The following RBPJL variants were observed in gnomAD, a reference collection of about 807,000 sequenced individuals.
RBPJL encodes the protein recombination signal binding protein for immunoglobulin kappa J region like.
RBPJL carries 50 observed loss-of-function variants against 57.6 expected under a neutral mutation model. The observed-to-expected ratio is 0.87, with a 90% CI of 0.69 to 1.10. The LOEUF (loss-of-function observed/expected upper bound fraction) is 1.10. Among genes scored for constraint, RBPJL ranks in the 50% least tolerant of loss-of-function variants. RBPJL has a pLI of 0.00. For synonymous variants in RBPJL, 303 were observed against 294.4 expected (o/e 1.03, Z -0.30); for missense variants, 684 against 693.7 (o/e 0.99, Z 0.16).
At chr20:45,306,976 C>A in intron 1 of RBPJL, 32 bp downstream of exon 1, 9 of 1,243,050 alleles carry the variant, frequency 7.2e-6, no homozygotes, top group South Asian at 4.1e-5. Context: ...GCCCCGGAGA[C>A]GCCCCGTGAG....
chr20:45,308,133 T>C lies in RBPJL; in HGVS notation c.23-10T>C. On this transcript the variant is annotated splice_polypyrimidine_tract_variant and intron_variant, in intron 1 of 11. Transcript: ENST00000343694. ...TCGCCTGACCTGGCTTGATGCCTAC[T>C]CCCCTGCAGACCCCTCAGTGCCTCC... The C allele has an allele frequency of 6.2e-7, 1 of 1,600,346 alleles. No individual in the cohort carries two copies. The highest frequency in any genetic ancestry group is 8.6e-7 in the Non-Finnish European group (1 of 1,168,002).
intron 8 of RBPJL, 46 bp from the exon 9 acceptor site, chr20:45,314,367 G>C: frequency 6.3e-7 from 1 of 1,591,310 alleles, no homozygotes; most frequent in Non-Finnish European, 8.6e-7. Context: ...GCCTCTGGAC[G>C]CCCGGGCTCC....
intron 9 of RBPJL, chr20:45,315,917 G>T: frequency 2.7e-6 from 1 of 367,212 alleles, no homozygotes. Flanking sequence ...GAGAGAGAAA[G>T]GGAAAGAAAA....
chr20:45,313,802 A>G (rs1477527906), intron 7 of RBPJL, among the ~76,000 whole-genome samples, 197 bp downstream of exon 7: 1 of 152,150 alleles, frequency 6.6e-6, no homozygotes, highest in African/African-American at 2.4e-5. Flanking sequence ...CCCTTTCCCC[A>G]TATATCAACT....
intron 1 of RBPJL, 70 bp downstream of exon 1, chr20:45,307,014 C>A: frequency 2.1e-6 from 2 of 968,778 alleles, no homozygotes; most frequent in Non-Finnish European, 2.7e-6. Flanking sequence ...CCCCCACCCC[C>A]TCCCCACTAT....
chr20:45,316,689 C>A lies in RBPJL; in HGVS notation c.1284C>A (p.Ser428Arg). The A allele has an allele frequency of 1.3e-6, 2 of 1,596,834 alleles. No homozygotes were observed. The highest frequency in any genetic ancestry group is 1.7e-6 in the Non-Finnish European group (2 of 1,171,232). Residue 428 changes from serine to arginine, a missense_variant, in exon 12 of 12, where the codon AGC (serine) becomes AGA (arginine). Ser to Arg is a moderately radical substitution (Grantham distance 110, BLOSUM62 -1). Transcript: ENST00000343694. ...CACCCTGGTGCTCCACCCCCAGGAG[C>A]CCGCGGTCCCTGGTGTGCGTGGTGC... is the stretch of plus-strand genomic sequence containing the variant. ...GDVEAETMYR[S>R]PRSLVCVVPD...
At chr20:45,308,433 T>C in intron 2 of RBPJL, 182 bp downstream of exon 2, 1 of 586,848 alleles carries the variant, frequency 1.7e-6, no homozygotes, top group Non-Finnish European at 3.1e-6. Context: ...CAGCACCCCC[T>C]GCTCCTACCA....
chr20:45,309,267 C>A (rs1987011581), intron 2 of RBPJL, among the ~76,000 whole-genome samples: 1 of 152,182 alleles, frequency 6.6e-6, no homozygotes, highest in South Asian at 2.1e-4. Context: ...TGGCCCTGGG[C>A]TCCAATGGGC....
rs746866686 is a variant in RBPJL, at chr20:45,316,647, G to A, written c.1281-39G>A. On this transcript the variant is annotated intron_variant, in intron 11 of 11. Transcript: ENST00000343694. The stretch of plus-strand genomic sequence containing the variant: ...AGGGGAAGGGGGTGCACGCGTCGTC[G>A]GAGTCGCCGCAGCCCTCACCCTGGT... The A allele has an allele frequency of 3.3e-6, 5 of 1,535,874 alleles. No individual in the cohort carries two copies. The African/African-American group carries it at 6.9e-5, about 21-fold the overall frequency.
Position 45,308,225 on chromosome 20 carries a change from G to A in RBPJL, c.105G>A (p.Arg35=), listed in dbSNP as rs1307441151. The stretch of plus-strand genomic sequence containing the variant: ...TGCAGCTGCAGAGCGAAGCCGACAG[G>A]CGGAGCCTCCCGGGCACTTGGACCA... ...SEMQLQSEAD[R]RSLPGTWTRS... Residue 35 remains arginine (R), a synonymous_variant, in exon 2 of 12, where the codon AGG becomes AGA. Transcript: ENST00000343694. 6.2e-7 allele frequency: 1 copy of A among 1,613,978 alleles called. No homozygotes were observed. Among genetic ancestry groups the A allele is most frequent in the Admixed American group, 1.7e-5 (1 of 60,020 alleles).
At position 45,312,299 on chromosome 20, in the gene RBPJL, CTG is replaced by C; in HGVS notation, c.524_525del (p.Leu175ProfsTer79). The C allele has an allele frequency of 1.2e-6, 2 of 1,614,114 alleles. No individual in the cohort carries two copies. Among genetic ancestry groups the C allele is most frequent in the Non-Finnish European group, 1.7e-6 (2 of 1,179,976 alleles). On this transcript the variant is annotated frameshift_variant, in exon 6 of 12. Coordinates refer to ENST00000343694, the MANE Select transcript of RBPJL (RefSeq NM_014276.4). LOFTEE classifies it high-confidence loss of function. ...KHFRLVLRLV[L>X]RGGRELGTFH... ...CTTTCGGCTGGTGCTGCGGCTGGTGCTGCGCGGGGGCCGGGAGCTGGGTACCT... is the reference window on the plus strand; with the variant it reads ...CTTTCGGCTGGTGCTGCGGCTGGTGCCGCGGGGGCCGGGAGCTGGGTACCT...
intron 11 of RBPJL, 21 bp downstream of exon 11, chr20:45,316,601 C>G (rs369876746): frequency 1.3e-6 from 2 of 1,516,016 alleles, no homozygotes; most frequent in African/African-American, 2.8e-5. Context: ...GTGAGGCAGC[C>G]TCTCTTGGGC....
chr20:45,313,565 G>A lies in RBPJL; in HGVS notation c.717G>A (p.Val239=). ...TCTCTGTGGAGGATGGGGCCTTTGT[G>A]GCCAGTGCACGACAGTGGGCTGCCT... is the stretch of plus-strand genomic sequence containing the variant. ...RYLSVEDGAF[V]ASARQWAAFT... is the part of the protein sequence containing the mutation. Residue 239 remains valine (V), a synonymous_variant, in exon 7 of 12, where the codon GTG becomes GTA. Coordinates refer to ENST00000343694, the MANE Select transcript of RBPJL (RefSeq NM_014276.4). The A allele has an allele frequency of 1.2e-6, 2 of 1,613,850 alleles. No homozygotes were observed. The highest frequency in any genetic ancestry group is 1.7e-6 in the Non-Finnish European group (2 of 1,179,906).
At chr20:45,314,344 G>A (rs765450819) in intron 8 of RBPJL, 69 bp from the exon 9 acceptor site, 37 of 1,549,748 alleles carry the variant, frequency 2.4e-5, no homozygotes, top group East Asian at 4.5e-5. Context: ...GCAGACAGCC[G>A]GCTAGGAGGG....
At chr20:45,311,558 G>A (rs1344145450) in intron 3 of RBPJL, 31 bp from the exon 4 acceptor site, 1 of 1,609,684 alleles carries the variant, frequency 6.2e-7, no homozygotes, top group Admixed American at 1.7e-5. Flanking sequence ...GGAGATGGAT[G>A]CACGACTCCA....
At chr20:45,309,439 C>T (rs778108887) in intron 2 of RBPJL, 128 bp from the exon 3 acceptor site, 1 of 961,034 alleles carries the variant, frequency 1.0e-6, no homozygotes, top group Non-Finnish European at 1.5e-6. Context: ...GGATATAGAG[C>T]AGCCCCACCC....
intron 5 of RBPJL, 107 bp from the exon 6 acceptor site, chr20:45,312,114 G>A: frequency 2.7e-6 from 4 of 1,478,804 alleles, no homozygotes; most frequent in South Asian, 1.2e-5. Flanking sequence ...GGATGGTGGA[G>A]CTTCTGGTCA....
intron 9 of RBPJL, chr20:45,315,805 AAAAGAAAG>A (rs372006966): frequency 1.2e-5 from 2 of 162,338 alleles, no homozygotes; most frequent in Non-Finnish European, 2.6e-5. Context: ...GAGAGAAAGA[AAAAGAAAG>A]AAAGAAAGAA....
Position 45,311,959 on chromosome 20 carries a change from G to C in RBPJL, c.444+5G>C. 6.5e-7 allele frequency: 1 copy of C among 1,546,780 alleles called. No homozygotes were observed. Among genetic ancestry groups the C allele is most frequent in the Non-Finnish European group, 8.8e-7 (1 of 1,142,842 alleles). ...GAGCAGCAGCCGGACTCCAGGGTGAGAGCGCACGGGAAGGGGTCCGATTCC... is the reference window on the plus strand; with the variant it reads ...GAGCAGCAGCCGGACTCCAGGGTGACAGCGCACGGGAAGGGGTCCGATTCC... On this transcript the variant is annotated splice_donor_5th_base_variant and intron_variant, in intron 5 of 11. Transcript: ENST00000343694.
Sources: gnomAD v4.1 joint callset for allele counts (sites outside exome capture counted in the v4.1 genomes callset) on GRCh38, gnomAD v4.1.1 for gene constraint, MANE v1.5 for transcripts, NCBI Gene and HGNC (gene_info 2026-07-23, HGNC 2026-07-21) for gene names.